The following PDK1 variants were observed in gnomAD, a reference collection of about 807,000 sequenced individuals.
PDK1 encodes the protein pyruvate dehydrogenase kinase 1, also known as [Pyruvate dehydrogenase (acetyl-transferring)] kinase isozyme 1, mitochondrial.
In PDK1, 39 loss-of-function variants were observed where a neutral mutation model predicts 54.2. The ratio of observed to expected loss-of-function variants is 0.72; its 90% confidence interval spans 0.56 to 0.94. PDK1 has a LOEUF of 0.94. Among genes scored for constraint, PDK1 ranks in the 40% least tolerant of loss-of-function variants. PDK1 has a pLI of 0.00. For missense variants in PDK1, 552 were observed against 566.0 expected (o/e 0.98, Z 0.25); for synonymous variants, 221 against 207.1 (o/e 1.07, Z -0.58).
At chr2:172,634,709 G>A in the PDK1 span, among the ~76,000 whole-genome samples, 1 of 148,730 alleles carries the variant, frequency 6.7e-6, no homozygotes, top group Admixed American at 6.7e-5. Context: ...TCATGTTCAG[G>A]TACAAAGAAT....
At chr2:172,562,581 A>G (rs988981493) in intron 3 of PDK1, among the ~76,000 whole-genome samples, 4 of 152,222 alleles carry the variant, frequency 2.6e-5, no homozygotes, top group African/African-American at 7.2e-5. Context: ...CTAATGGACA[A>G]CCACCTTCAG....
the PDK1 span, among the ~76,000 whole-genome samples, chr2:172,710,679 T>C: frequency 2.0e-5 from 3 of 152,212 alleles, no homozygotes; most frequent in African/African-American, 7.2e-5. Context: ...CTTTTCTCTA[T>C]ACCAGCCTGC....
chr2:172,671,578 A>G, the PDK1 span, among the ~76,000 whole-genome samples: 3 of 148,980 alleles, frequency 2.0e-5, no homozygotes, highest in East Asian at 5.9e-4. Flanking sequence ...AACTTGAACT[A>G]TAGGTTGTGA....
the PDK1 span, among the ~76,000 whole-genome samples, chr2:172,629,416 G>A: frequency 6.6e-6 from 1 of 152,162 alleles, no homozygotes; most frequent in Non-Finnish European, 1.5e-5. Flanking sequence ...AGAAGTAGCT[G>A]GACGTCAGAG....
chr2:172,679,796 G>A, the PDK1 span, among the ~76,000 whole-genome samples: 1 of 152,118 alleles, frequency 6.6e-6, no homozygotes, highest in African/African-American at 2.4e-5. Flanking sequence ...AAGAAAAGAA[G>A]GTAATAACTC....
intron 9 of PDK1, among the ~76,000 whole-genome samples, chr2:172,591,845 G>T (rs933715479): frequency 2.6e-5 from 4 of 152,138 alleles, no homozygotes; most frequent in Admixed American, 2.6e-4. Context: ...GGTATAGATG[G>T]CTCCTTCCTG....
At chr2:172,679,992 A>C in the PDK1 span, among the ~76,000 whole-genome samples, 860 of 152,340 alleles carry the variant, frequency 5.6e-3, 19 homozygotes, top group East Asian at 0.042. Context: ...AAGAAATACC[A>C]AAACCAGTCT....
chr2:172,570,799 T>C lies in PDK1; in HGVS notation c.920T>C (p.Leu307Pro). Reference protein sequence around the residue: ...VYPPIQVHVTLGNEDLTVKMS... With the variant: ...VYPPIQVHVTPGNEDLTVKMS... ...CCCCCTATTCAAGTTCATGTCACGCTGGGTAATGAGGATTTGACTGTGAAG... is the reference window on the plus strand; with the variant it reads ...CCCCCTATTCAAGTTCATGTCACGCCGGGTAATGAGGATTTGACTGTGAAG... Residue 307 changes from leucine to proline, a missense_variant, in exon 8 of 11, where the codon CTG (leucine) becomes CCG (proline). Coordinates refer to ENST00000282077, the MANE Select transcript of PDK1 (RefSeq NM_002610.5). The C allele has an allele frequency of 6.2e-7, 1 of 1,607,938 alleles. No homozygotes were observed. Among genetic ancestry groups the C allele is most frequent in the East Asian group, 2.2e-5 (1 of 44,814 alleles).
chr2:172,580,952 T>C (rs1689869349), intron 8 of PDK1, among the ~76,000 whole-genome samples: 1 of 151,510 alleles, frequency 6.6e-6, no homozygotes, highest in Admixed American at 6.6e-5. Flanking sequence ...CCTAGGGATA[T>C]GACCACTAAA....
At chr2:172,562,648 A>G in intron 3 of PDK1, 1 of 749,906 alleles carries the variant, frequency 1.3e-6, no homozygotes. Flanking sequence ...TTGTTTTCTG[A>G]TTTTAAAGGA....
the PDK1 span, among the ~76,000 whole-genome samples, chr2:172,631,470 T>C: frequency 1.9e-3 from 283 of 152,344 alleles, no homozygotes; most frequent in African/African-American, 6.5e-3. Context: ...CTCCCAGTTT[T>C]GTTTGGGACA....
the PDK1 span, among the ~76,000 whole-genome samples, chr2:172,672,483 G>T: frequency 6.6e-6 from 1 of 152,136 alleles, no homozygotes; most frequent in Non-Finnish European, 1.5e-5. Context: ...CCAAAAGGCT[G>T]CTGAGACCTC....
At chr2:172,632,358 T>G in the PDK1 span, among the ~76,000 whole-genome samples, 2 of 152,184 alleles carry the variant, frequency 1.3e-5, no homozygotes, top group African/African-American at 2.4e-5. Flanking sequence ...AAGGGAACTC[T>G]TTACAATAAT....
At chr2:172,696,952 C>T in the PDK1 span, among the ~76,000 whole-genome samples, 1 of 152,086 alleles carries the variant, frequency 6.6e-6, no homozygotes, top group African/African-American at 2.4e-5. Flanking sequence ...AAGTTATATA[C>T]TATATTCTAA....
At chr2:172,651,168 A>G in the PDK1 span, among the ~76,000 whole-genome samples, 1 of 152,092 alleles carries the variant, frequency 6.6e-6, no homozygotes, top group Non-Finnish European at 1.5e-5. Context: ...GGATTAAGAA[A>G]CTCACTCAAA....
the PDK1 span, among the ~76,000 whole-genome samples, chr2:172,627,326 G>A: frequency 6.6e-6 from 1 of 152,084 alleles, no homozygotes; most frequent in Non-Finnish European, 1.5e-5. Flanking sequence ...TACTTCAGTG[G>A]AACATAAAAT....
chr2:172,563,294 A>G (rs1174073876), intron 3 of PDK1, among the ~76,000 whole-genome samples: 3 of 152,174 alleles, frequency 2.0e-5, no homozygotes, highest in Non-Finnish European at 2.9e-5. Flanking sequence ...AGAAAATAAT[A>G]AAGGAGTGAC....
At chr2:172,613,949 G>T in the PDK1 span, among the ~76,000 whole-genome samples, 1 of 152,112 alleles carries the variant, frequency 6.6e-6, no homozygotes, top group African/African-American at 2.4e-5. Flanking sequence ...AGGGAGCCAG[G>T]AACAGGCAGG....
the PDK1 span, among the ~76,000 whole-genome samples, chr2:172,638,153 T>C: frequency 6.6e-6 from 1 of 152,200 alleles, no homozygotes. Flanking sequence ...TGCCCAAGTA[T>C]GGGCCCAAGA....
Sources: gnomAD v4.1 joint callset for allele counts (sites outside exome capture counted in the v4.1 genomes callset) on GRCh38, gnomAD v4.1.1 for gene constraint, MANE v1.5 for transcripts, NCBI Gene and HGNC (gene_info 2026-07-23, HGNC 2026-07-21) for gene names.